CTNNA3: variants seen among roughly 807,000 people sequenced by gnomAD.
CTNNA3 encodes the protein catenin alpha-3.
CTNNA3 carries 76 observed loss-of-function variants against 95.7 expected under a neutral mutation model. The ratio of observed to expected loss-of-function variants is 0.79; its 90% CI spans 0.66 to 0.96. The LOEUF is 0.96. Among genes scored for constraint, CTNNA3 ranks in the 40% least tolerant of loss-of-function variants. CTNNA3 has a pLI of 0.00. For synonymous variants in CTNNA3, 431 were observed against 374.4 expected, an observed-to-expected ratio of 1.15 and a Z score of -1.74; for missense variants, 1,191 against 1,089.8, an observed-to-expected ratio of 1.09 and a Z score of -1.31.
chr10:66,563,167 A>C (rs1045336013), intron 10 of CTNNA3, among the ~76,000 whole-genome samples: 1 of 152,146 alleles, frequency 6.6e-6, no homozygotes, highest in African/African-American at 2.4e-5. Context: ...ATAATGCAGT[A>C]TAGAATAACC....
chr10:67,575,419 T>C (rs755686991), intron 3 of CTNNA3, among the ~76,000 whole-genome samples: 4 of 152,174 alleles, frequency 2.6e-5, no homozygotes, highest in Non-Finnish European at 5.9e-5. Flanking sequence ...TCCCTCTTTC[T>C]TGCCATAAAA....
chr10:66,428,330 A>G (rs1488156545), intron 11 of CTNNA3, among the ~76,000 whole-genome samples: 3 of 152,184 alleles, frequency 2.0e-5, no homozygotes, highest in Non-Finnish European at 4.4e-5. Flanking sequence ...CATTGTCAAC[A>G]TTAGACAGAT....
chr10:65,970,934 TCAA>T (rs1358658837), intron 16 of CTNNA3, among the ~76,000 whole-genome samples: 2 of 150,932 alleles, frequency 1.3e-5, no homozygotes, highest in African/African-American at 4.9e-5. Flanking sequence ...TTGAGGAACT[TCAA>T]CAACTCACTA....
intron 17 of CTNNA3, among the ~76,000 whole-genome samples, chr10:65,928,061 G>A (rs910593051): frequency 6.6e-6 from 1 of 152,044 alleles, no homozygotes; most frequent in Admixed American, 6.5e-5. Context: ...AATAATTTTT[G>A]TCCTAGCAAA....
chr10:66,069,463 T>C lies in CTNNA3; in HGVS notation c.2004A>G (p.Ala668=). The C allele has an allele frequency of 6.2e-7, 1 of 1,612,998 alleles. No homozygotes were observed. The highest frequency in any genetic ancestry group is 1.1e-5 in the South Asian group (1 of 90,948). ...DRAKMTQLPE[A]EKEKIAEQVA... ...CTTGCTCAGCAATCTTTTCTTTTTC[T>C]GCCTCAGGCAGTTGAGTCATCTTAG... Residue 668 remains alanine (A), a synonymous_variant, in exon 15 of 18, where the codon GCA becomes GCG. Transcript: ENST00000433211.
chr10:66,664,345 C>T (rs1461126177), intron 9 of CTNNA3, among the ~76,000 whole-genome samples: 1 of 152,078 alleles, frequency 6.6e-6, no homozygotes, highest in Non-Finnish European at 1.5e-5. Context: ...TAATTGAGCA[C>T]AGCTTGAAGA....
chr10:66,059,361 G>A (rs953032542), intron 15 of CTNNA3, among the ~76,000 whole-genome samples: 35 of 152,084 alleles, frequency 2.3e-4, no homozygotes, highest in African/African-American at 8.5e-4. Flanking sequence ...TTTATTGTCT[G>A]TTCAACAAAC....
At chr10:67,009,577 A>C (rs1052661362) in intron 7 of CTNNA3, among the ~76,000 whole-genome samples, 1 of 151,518 alleles carries the variant, frequency 6.6e-6, no homozygotes, top group Non-Finnish European at 1.5e-5. Context: ...AATTTCCCTG[A>C]GCGAATGGGT....
At chr10:66,051,049 G>A (rs999681932) in intron 15 of CTNNA3, among the ~76,000 whole-genome samples, 26 of 151,926 alleles carry the variant, frequency 1.7e-4, no homozygotes, top group African/African-American at 6.3e-4. Context: ...GTGGTGGGAG[G>A]GAAAAGTGAG....
chr10:66,885,901 A>ATC (rs1395196183), intron 7 of CTNNA3, among the ~76,000 whole-genome samples: 4 of 152,120 alleles, frequency 2.6e-5, no homozygotes, highest in Admixed American at 6.6e-5. Context: ...TGATAATCCA[A>ATC]TCTCTGCCCA....
At chr10:66,207,784 T>C (rs1390225174) in intron 13 of CTNNA3, among the ~76,000 whole-genome samples, 2 of 152,112 alleles carry the variant, frequency 1.3e-5, no homozygotes, top group African/African-American at 4.8e-5. Context: ...GTAATGATTA[T>C]GTGGTCTTGT....
At chr10:66,871,498 G>A (rs1844401681) in intron 7 of CTNNA3, among the ~76,000 whole-genome samples, 1 of 149,112 alleles carries the variant, frequency 6.7e-6, no homozygotes, top group African/African-American at 2.5e-5. Flanking sequence ...GGAGGCGGAG[G>A]TTGCGGTGAG....
intron 12 of CTNNA3, among the ~76,000 whole-genome samples, chr10:66,304,450 C>G (rs938354269): frequency 4.0e-5 from 6 of 151,856 alleles, no homozygotes; most frequent in Admixed American, 1.3e-4. Context: ...TTCATAGTAG[C>G]TTTGTACATA....
intron 7 of CTNNA3, among the ~76,000 whole-genome samples, chr10:66,965,036 A>G (rs1849323122): frequency 6.6e-6 from 1 of 152,180 alleles, no homozygotes; most frequent in Admixed American, 6.5e-5. Context: ...AAAGCAAACA[A>G]GCAAATATTT....
chr10:65,976,163 C>A (rs578062809), intron 16 of CTNNA3, among the ~76,000 whole-genome samples: 61 of 152,138 alleles, frequency 4.0e-4, no homozygotes, highest in Admixed American at 6.5e-4. Flanking sequence ...GTTCTAGGAA[C>A]AGTATCAGTC....
intron 3 of CTNNA3, among the ~76,000 whole-genome samples, chr10:67,559,975 T>G (rs911480759): frequency 1.3e-5 from 2 of 151,854 alleles, no homozygotes; most frequent in South Asian, 2.1e-4. Context: ...CTCCAAGAAA[T>G]AGGGGACTAT....
chr10:66,985,038 C>T (rs752753475), intron 7 of CTNNA3, among the ~76,000 whole-genome samples: 3 of 152,110 alleles, frequency 2.0e-5, no homozygotes, highest in Non-Finnish European at 2.9e-5. Context: ...CAGAGCTCAT[C>T]CCTGCCTTTG....
chr10:66,866,840 T>A (rs1844198410), intron 7 of CTNNA3, among the ~76,000 whole-genome samples: 1 of 152,216 alleles, frequency 6.6e-6, no homozygotes, highest in South Asian at 2.1e-4. Flanking sequence ...ATGGTTTGGC[T>A]GTGTCCTCTC....
chr10:67,525,949 G>A (rs12355429), intron 4 of CTNNA3, among the ~76,000 whole-genome samples: 21,350 of 152,064 alleles, frequency 0.14, 3,378 homozygotes, highest in African/African-American at 0.4. Flanking sequence ...TGTACAAAAG[G>A]GTATACAGTA....
Sources: allele counts gnomAD v4.1 joint callset (sites outside exome capture counted in the v4.1 genomes callset), GRCh38; gene constraint gnomAD v4.1.1; transcripts MANE v1.5; gene names NCBI Gene and HGNC (gene_info 2026-07-23, HGNC 2026-07-21).